The following ALDH1L1 variants were observed in gnomAD, a reference collection of about 807,000 sequenced individuals.
ALDH1L1 encodes the protein aldehyde dehydrogenase 1 family member L1.
A neutral mutation model predicts 101.1 loss-of-function variants in ALDH1L1; 68 were observed. The ratio of observed to expected loss-of-function variants is 0.67; its 90% confidence interval spans 0.55 to 0.82. ALDH1L1 has a LOEUF of 0.82. ALDH1L1 is among the 40% of genes least tolerant of loss of function. ALDH1L1 has a pLI of 0.00. For synonymous variants in ALDH1L1, 486 were observed against 470.8 expected, an observed-to-expected ratio of 1.03 and a Z score of -0.42; for missense variants, 1,087 against 1,172.7, an observed-to-expected ratio of 0.93 and a Z score of 1.07.
At chr3:126,124,139 ACACACACACT>A (rs1219908554) in intron 16 of ALDH1L1, among the ~76,000 whole-genome samples, 4 of 135,930 alleles carry the variant, frequency 2.9e-5, no homozygotes, top group Non-Finnish European at 5.0e-5. Context: ...ACACACACAC[ACACACACACT>A]GGAATACATT....
chr3:126,132,809 C>G (rs1436469825), intron 12 of ALDH1L1, among the ~76,000 whole-genome samples: 1 of 152,178 alleles, frequency 6.6e-6, no homozygotes, highest in African/African-American at 2.4e-5. Context: ...ATTTGCCTGC[C>G]CACTGGAATC....
intron 7 of ALDH1L1, chr3:126,152,315 C>T (rs1357919205): frequency 3.3e-5 from 5 of 152,232 alleles, no homozygotes; most frequent in African/African-American, 1.2e-4. Flanking sequence ...TTTCCTCTGC[C>T]CTTACTGCCT....
intron 20 of ALDH1L1, chr3:126,107,919 T>G (rs952249306): frequency 6.6e-6 from 1 of 152,284 alleles, no homozygotes; most frequent in Non-Finnish European, 1.5e-5. Flanking sequence ...CTGAGGTCAA[T>G]CCTGCCTGAC....
At chr3:126,153,389 G>A (rs1186710183) in intron 7 of ALDH1L1, 55 bp downstream of exon 7, 12 of 1,607,378 alleles carry the variant, frequency 7.5e-6, no homozygotes, top group Non-Finnish European at 1.0e-5. Context: ...CTGAGTCCAA[G>A]GACAGGAGCA....
intron 1 of ALDH1L1, among the ~76,000 whole-genome samples, chr3:126,187,019 G>C (rs2081523073): frequency 6.6e-6 from 1 of 152,148 alleles, no homozygotes; most frequent in African/African-American, 2.4e-5. Flanking sequence ...CAGGCACCCA[G>C]GGCTGCTCAG....
chr3:126,129,053 G>C (rs532718788), intron 14 of ALDH1L1: 1 of 152,524 alleles, frequency 6.6e-6, no homozygotes, highest in Non-Finnish European at 1.5e-5. Context: ...TCTTTGTTGT[G>C]GGGGGCTGTA....
intron 12 of ALDH1L1, 30 bp downstream of exon 12, chr3:126,135,505 G>C (rs779538113): frequency 1.3e-6 from 2 of 1,595,490 alleles, no homozygotes; most frequent in Admixed American, 1.7e-5. Context: ...GATGGTGGCA[G>C]TGGCTGGCAG....
chr3:126,158,649 G>A lies in ALDH1L1; in HGVS notation c.128-10C>T, dbSNP rs372795101. 66 of 1,605,532 alleles carry A rather than the reference G, an allele frequency of 4.1e-5. No individual in the cohort carries two copies. In the Middle Eastern group the frequency reaches 6.6e-4, roughly 16 times the overall value. On this transcript the variant is annotated splice_polypyrimidine_tract_variant and intron_variant, in intron 2 of 22. Coordinates refer to ENST00000393434, the MANE Select transcript of ALDH1L1 (RefSeq NM_012190.4). ...TTCTCAGCTTCCAGACCTGTGGGAC[G>A]GTGGATAAGAAACTGGCCCCTCTCC...
rs1392076001 is a variant in ALDH1L1, at chr3:126,155,491, TCA to T, written c.539_540del (p.Val180GlufsTer5). On this transcript the variant is annotated frameshift_variant, in exon 5 of 23. Coordinates refer to ENST00000393434, the MANE Select transcript of ALDH1L1 (RefSeq NM_012190.4). LOFTEE classifies it high-confidence loss of function. The stretch of plus-strand genomic sequence containing the variant: ...GGGGCTTTGCCCTCAGCGATCAGCC[TCA>T]CGGCCTGCACCTGGGGAGATCCAGT... ...PEGIKGMVQA[V>X]RLIAEGKAPR... 6.2e-7 allele frequency: 1 copy of T among 1,612,228 alleles called. No homozygotes were observed. The highest frequency in any genetic ancestry group is 1.7e-5 in the Admixed American group (1 of 59,802).
chr3:126,139,196 G>T (rs80186449), intron 9 of ALDH1L1, among the ~76,000 whole-genome samples: 2,261 of 152,272 alleles, frequency 0.015, 61 homozygotes, highest in African/African-American at 0.051. Context: ...AACCCTCACA[G>T]GCTGAAGTAG....
At chr3:126,118,204 A>G (rs2080013840) in intron 16 of ALDH1L1, 106 bp from the exon 17 acceptor site, 3 of 861,772 alleles carry the variant, frequency 3.5e-6, no homozygotes, top group East Asian at 5.3e-5. Context: ...GAGGCCCTCA[A>G]AATGCTCCCC....
At chr3:126,152,365 C>T (rs1304096423) in intron 7 of ALDH1L1, 1 of 152,214 alleles carries the variant, frequency 6.6e-6, no homozygotes, top group Non-Finnish European at 1.5e-5. Flanking sequence ...AAATCACTTG[C>T]ACAAGAATTT....
chr3:126,159,084 C>T (rs2080983446), intron 2 of ALDH1L1, among the ~76,000 whole-genome samples: 1 of 152,250 alleles, frequency 6.6e-6, no homozygotes, highest in African/African-American at 2.4e-5. Context: ...CCACTCCTTT[C>T]TGTCCAGTGG....
intron 14 of ALDH1L1, 79 bp from the exon 15 acceptor site, chr3:126,125,800 C>T: frequency 9.5e-7 from 1 of 1,058,042 alleles, no homozygotes; most frequent in Non-Finnish European, 1.3e-6. Flanking sequence ...CTCCACCTCA[C>T]CCAGGGCCTG....
At chr3:126,157,840 A>G (rs907418975) in intron 3 of ALDH1L1, among the ~76,000 whole-genome samples, 2 of 152,198 alleles carry the variant, frequency 1.3e-5, no homozygotes, top group Non-Finnish European at 2.9e-5. Flanking sequence ...TCAACAGACC[A>G]GTCCGACTAC....
chr3:126,167,182 A>G (rs1042348088), intron 1 of ALDH1L1, among the ~76,000 whole-genome samples: 2 of 152,174 alleles, frequency 1.3e-5, no homozygotes, highest in Non-Finnish European at 2.9e-5. Flanking sequence ...GTCTGTTTCA[A>G]TTTATAAATT....
rs1361011815 is a variant in ALDH1L1, at chr3:126,157,396, T to A, written c.475A>T (p.Thr159Ser). The A allele has an allele frequency of 6.2e-7, 1 of 1,614,046 alleles. No individual in the cohort carries two copies. The change falls in exon 4 of 23, where the codon ACC becomes TCC. Residue 159 changes from threonine to serine, a missense_variant. This residue lies in a region of ALDH1L1 where 645 missense variants were observed against 637.0 expected (regional missense o/e 1.01). Transcript: ENST00000393434. ...AAGCGGTTGTACAGCGTGCTCACGG[T>A]GTCGTCCGGGAGCACCTCACACTCC... Reference protein sequence around the residue: ...QKECEVLPDDTVSTLYNRFLF... With the variant: ...QKECEVLPDDSVSTLYNRFLF...
intron 20 of ALDH1L1, among the ~76,000 whole-genome samples, chr3:126,109,023 G>A (rs951184842): frequency 3.9e-5 from 6 of 152,216 alleles, no homozygotes; most frequent in South Asian, 2.1e-4. Context: ...TAGGGAGCCC[G>A]CACAAGGGTC....
At chr3:126,132,311 C>T (rs2080328811) in intron 12 of ALDH1L1, among the ~76,000 whole-genome samples, 1 of 152,190 alleles carries the variant, frequency 6.6e-6, no homozygotes, top group East Asian at 1.9e-4. Flanking sequence ...CACACTGCTC[C>T]CCTCTGCACC....
Sources: allele counts gnomAD v4.1 joint callset (sites outside exome capture counted in the v4.1 genomes callset), GRCh38; gene constraint gnomAD v4.1.1; regional missense constraint gnomAD v4.1.1; transcripts MANE v1.5; gene names NCBI Gene and HGNC (gene_info 2026-07-23, HGNC 2026-07-21).